The following SUGCT variants were observed in gnomAD, a reference collection of about 807,000 sequenced individuals.
SUGCT encodes succinyl-CoA:glutarate CoA-transferase.
Under a neutral mutation model 55.0 loss-of-function variants are expected in SUGCT, and 41 were observed. The ratio of observed to expected loss-of-function variants is 0.74; its 90% CI spans 0.58 to 0.97. SUGCT has a LOEUF of 0.97. Among genes scored for constraint, SUGCT ranks in the 50% least tolerant of loss-of-function variants. The probability of loss-of-function intolerance (pLI) is 0.00; values close to 1 mark genes in which losing one functional copy is unlikely to be tolerated. For synonymous variants in SUGCT, 187 were observed against 200.4 expected, an observed-to-expected ratio of 0.93 and a Z score of 0.56; for missense variants, 568 against 547.8, an observed-to-expected ratio of 1.04 and a Z score of -0.37.
At chr7:40,870,563 G>A in the SUGCT span, among the ~76,000 whole-genome samples, 1 of 151,974 alleles carries the variant, frequency 6.6e-6, no homozygotes, top group East Asian at 1.9e-4. Context: ...CAGATTTCAG[G>A]GATTAGATAG....
At chr7:40,269,953 G>A (rs1488597302) in intron 7 of SUGCT, among the ~76,000 whole-genome samples, 4 of 151,822 alleles carry the variant, frequency 2.6e-5, no homozygotes, top group Admixed American at 2.6e-4. Context: ...CCTGGGCAAC[G>A]TGGGGAGACC....
intron 13 of SUGCT, among the ~76,000 whole-genome samples, chr7:40,773,286 G>A (rs1011523569): frequency 1.5e-4 from 23 of 151,760 alleles, no homozygotes; most frequent in Middle Eastern, 6.8e-3. Context: ...CTGCCACCAC[G>A]CCCACGTAAT....
intron 12 of SUGCT, among the ~76,000 whole-genome samples, chr7:40,691,690 C>G (rs1017519142): frequency 6.6e-6 from 1 of 152,176 alleles, no homozygotes; most frequent in East Asian, 1.9e-4. Flanking sequence ...GTATTCAAGT[C>G]AAATGGAAAG....
intron 9 of SUGCT, among the ~76,000 whole-genome samples, chr7:40,366,069 T>C (rs1475113596): frequency 7.2e-5 from 11 of 152,116 alleles, no homozygotes; most frequent in Non-Finnish European, 1.3e-4. Context: ...AACAGAGATA[T>C]AGATCAGTGG....
chr7:40,245,099 G>A (rs1252519650), intron 7 of SUGCT, among the ~76,000 whole-genome samples: 4 of 151,714 alleles, frequency 2.6e-5, no homozygotes. Context: ...CTGTTGCCCA[G>A]GCTGGAGTGC....
At chr7:40,892,823 C>T in the SUGCT span, among the ~76,000 whole-genome samples, 1 of 152,292 alleles carries the variant, frequency 6.6e-6, no homozygotes, top group East Asian at 1.9e-4. Context: ...CAGTCATGAG[C>T]CACTGTTCCC....
chr7:40,772,339 G>A (rs1213203216), intron 13 of SUGCT, among the ~76,000 whole-genome samples: 8 of 152,024 alleles, frequency 5.3e-5, no homozygotes, highest in South Asian at 4.2e-4. Flanking sequence ...TTATTCTTTG[G>A]AGGAGAACAT....
At chr7:40,605,661 C>T (rs1402124714) in intron 12 of SUGCT, among the ~76,000 whole-genome samples, 2 of 152,262 alleles carry the variant, frequency 1.3e-5, no homozygotes, top group African/African-American at 2.4e-5. Flanking sequence ...ACTTAAAAAA[C>T]ACACTAATAA....
intron 12 of SUGCT, among the ~76,000 whole-genome samples, chr7:40,565,332 G>C (rs543345183): frequency 6.6e-6 from 1 of 152,280 alleles, no homozygotes; most frequent in East Asian, 1.9e-4. Context: ...CTGATGACTT[G>C]AAGTGGCTAA....
At chr7:40,145,645 A>C (rs1482334135) in intron 1 of SUGCT, among the ~76,000 whole-genome samples, 2 of 152,044 alleles carry the variant, frequency 1.3e-5, no homozygotes, top group African/African-American at 4.8e-5. Flanking sequence ...AGCAAACTTT[A>C]CTTTTGTTGA....
chr7:40,792,721 G>A (rs1292423863), intron 13 of SUGCT, among the ~76,000 whole-genome samples: 1 of 152,086 alleles, frequency 6.6e-6, no homozygotes, highest in African/African-American at 2.4e-5. Flanking sequence ...TTAAGGAGTG[G>A]TAATTTGGTA....
At chr7:40,264,486 C>T (rs1791428267) in intron 7 of SUGCT, among the ~76,000 whole-genome samples, 2 of 152,096 alleles carry the variant, frequency 1.3e-5, no homozygotes, top group Admixed American at 1.3e-4. Context: ...TGTATAGTTG[C>T]AGAGTCTGTG....
At position 40,316,777 on chromosome 7, in the gene SUGCT, C is replaced by A; in HGVS notation, c.738C>A (p.His246Gln). 1 of 1,599,074 alleles carries A rather than the reference C, an allele frequency of 6.3e-7. No homozygotes were observed. The change falls in exon 9 of 14, where the codon CAC becomes CAA. Residue 246 changes from histidine (H) to glutamine (Q), a missense_variant. By Grantham distance (24) the His-to-Gln change is conservative (BLOSUM62 0). Transcript: ENST00000335693. ...LLSSQVACLS[H>Q]IAANYLIGQK... is the part of the protein sequence containing the mutation. ...CCTGGTAGGTGGCGTGTTTGTCTCA[C>A]ATAGCTGCAAATTATCTTATTGGTC...
the SUGCT span, among the ~76,000 whole-genome samples, chr7:40,937,165 T>C: frequency 6.6e-6 from 1 of 152,170 alleles, no homozygotes; most frequent in East Asian, 1.9e-4. Flanking sequence ...TAGTTGTTCT[T>C]CCTCCACCCC....
intron 9 of SUGCT, among the ~76,000 whole-genome samples, chr7:40,346,819 G>T: frequency 6.6e-6 from 1 of 152,124 alleles, no homozygotes. Context: ...CTTTCTCCTT[G>T]TACATTTACT....
chr7:40,577,135 C>T (rs377300682), intron 12 of SUGCT, among the ~76,000 whole-genome samples: 3 of 152,156 alleles, frequency 2.0e-5, no homozygotes, highest in East Asian at 1.9e-4. Flanking sequence ...GCAGCATTTC[C>T]GATTTTAAGC....
At chr7:40,540,015 C>T (rs900431090) in intron 12 of SUGCT, among the ~76,000 whole-genome samples, 5 of 152,276 alleles carry the variant, frequency 3.3e-5, no homozygotes, top group African/African-American at 1.2e-4. Context: ...AAGAGACTTG[C>T]TTGAACTCAC....
rs967607385 is a variant in SUGCT, at chr7:40,860,760, A to T, written c.*281A>T. On this transcript the variant is annotated 3_prime_UTR_variant, in exon 14 of 14. Coordinates refer to ENST00000335693, the MANE Select transcript of SUGCT (RefSeq NM_001193313.2). ...ATAAAGTTTTAATTTTTTTCCTGGA[A>T]AAATGCACTCCTTATTCTACTTACA... The T allele has an allele frequency of 1.1e-5, 3 of 270,330 alleles. No individual in the cohort carries two copies. The highest frequency in any genetic ancestry group is 6.6e-5 in the African/African-American group (3 of 45,578). The allele number at this position is 270,330 out of a possible 1,614,324, so 16.7% of individuals were successfully genotyped here.
chr7:40,463,983 T>G, intron 11 of SUGCT, among the ~76,000 whole-genome samples: 1 of 152,122 alleles, frequency 6.6e-6, no homozygotes, highest in East Asian at 1.9e-4. Flanking sequence ...CCTGTGCTAC[T>G]CACACACCAG....
Sources: allele counts gnomAD v4.1 joint callset (sites outside exome capture counted in the v4.1 genomes callset), GRCh38; gene constraint gnomAD v4.1.1; transcripts MANE v1.5; gene names NCBI Gene and HGNC (gene_info 2026-07-23, HGNC 2026-07-21).